Variants in FLG observed in about 807,000 individuals in gnomAD.
FLG encodes the protein filaggrin, also known as epidermal filaggrin.
A neutral mutation model predicts 3.8 loss-of-function variants in FLG; 6 were observed. The observed-to-expected ratio is 1.60, with a 90% CI of 0.87 to 3.15. The LOEUF (loss-of-function observed/expected upper bound fraction) is 3.15. Ranked by LOEUF, FLG falls within the 30% of genes most tolerant of loss-of-function variation. The pLI, the probability that FLG is intolerant of heterozygous loss-of-function variation, is 0.00. For synonymous variants in FLG, 2,551 were observed against 1,931.6 expected (o/e 1.32, Z -8.41); for missense variants, 7,595 against 5,050.9 (o/e 1.50, Z -15.27).
rs769135798 is a variant in FLG at position 152,308,075 on chromosome 1, C to G, written c.6811G>C (p.Ala2271Pro). Reference sequence around the variant, plus strand: ...GAGCCATCTCTTGACTGCTCCTGAGCAGATCCATGATGGTTTCTGGACGCA... The same window carrying G: ...GAGCCATCTCTTGACTGCTCCTGAGGAGATCCATGATGGTTTCTGGACGCA... ...GSASRNHHGS[A>P]QEQSRDGSRH... The change falls in exon 3 of 3, where the codon GCT (alanine) becomes CCT (proline). Residue 2271 changes from alanine (A) to proline (P), a missense_variant. Physicochemically the swap from Ala to Pro is conservative, Grantham distance 27 (BLOSUM62 -1). Coordinates refer to ENST00000368799, the MANE Select transcript of FLG (RefSeq NM_002016.2). 60 of 1,613,940 alleles carry G rather than the reference C, an allele frequency of 3.7e-5. No individual in the cohort carries two copies. Among genetic ancestry groups the G allele is most frequent in the Admixed American group, 2.0e-4 (12 of 60,002 alleles).
Position 152,313,108 on chromosome 1 carries a change from G to T in FLG, c.1778C>A (p.Ser593Tyr). The stretch of plus-strand genomic sequence containing the variant: ...TGAGTGTCTAGAGCTGTCAGCCTGA[G>T]AGGAAGCTTCATGATGACGTGACCC... ...HSGSRHHEAS[S>Y]QADSSRHSQV... Residue 593 changes from serine to tyrosine, a missense_variant, in exon 3 of 3, where the codon TCT becomes TAT. Transcript: ENST00000368799. The T allele has an allele frequency of 6.2e-7, 1 of 1,613,906 alleles. No homozygotes were observed. The highest frequency in any genetic ancestry group is 2.2e-5 in the East Asian group (1 of 44,838).
chr1:152,317,865 C>T (rs1334152615), intron 1 of FLG, among the ~76,000 whole-genome samples: 1 of 151,918 alleles, frequency 6.6e-6, no homozygotes, highest in Non-Finnish European at 1.5e-5. Flanking sequence ...TGTCGCACAC[C>T]CGTTATCCTC....
chr1:152,306,282 A>G lies in FLG; in HGVS notation c.8604T>C (p.Ser2868=). ...GTCCCTGGACTGCCTGTGAGTGTCTAGAGATGTCGGCATGAGTGGAAGCTT... is the reference window on the plus strand; with the variant it reads ...GTCCCTGGACTGCCTGTGAGTGTCTGGAGATGTCGGCATGAGTGGAAGCTT... The part of the protein sequence containing the change: ...HHEASTHADI[S]RHSQAVQGQS... The change falls in exon 3 of 3, where the codon TCT becomes TCC. Residue 2868 remains serine, a synonymous_variant. Transcript: ENST00000368799. 1 of 1,604,866 alleles carries G rather than the reference A, an allele frequency of 6.2e-7. No homozygotes were observed. Among genetic ancestry groups the G allele is most frequent in the Non-Finnish European group, 8.5e-7 (1 of 1,180,042 alleles).
Position 152,322,056 on chromosome 1 carries a change from T to C in FLG, c.-22+3133A>G, listed in dbSNP as rs529412706. Among the ~76,000 whole-genome samples the C allele has an allele frequency of 2.6e-5, 4 of 151,292 alleles. No individual in the cohort carries two copies. The South Asian group carries it at 8.3e-4, about 31-fold the overall frequency. ...GGGGAAAATTATATGAACCTCTCAA[T>C]AGATGAAAAATTGATAAAATCCAAT... On this transcript the variant is annotated intron_variant, in intron 1 of 2. Transcript: ENST00000368799.
rs763289326 is a variant in FLG at position 152,309,804 on chromosome 1, G to T, written c.5082C>A (p.Asp1694Glu). ...AATCTTGTCTGCGCCCAGTGCCTGA[G>T]TCTGTGGAGCTGTCTGCTGACTGCT... ...RHQQSADSST[D>E]SGTGRRQDSS... The change falls in exon 3 of 3, where the codon GAC (aspartate) becomes GAA (glutamate). Residue 1694 changes from aspartate to glutamate, a missense_variant. By Grantham distance (45) the Asp-to-Glu change is conservative. Transcript: ENST00000368799. 3.1e-6 allele frequency: 5 copies of T among 1,614,044 alleles called. No individual in the cohort carries two copies. Among genetic ancestry groups the T allele is most frequent in the Non-Finnish European group, 4.2e-6 (5 of 1,180,012 alleles).
At position 152,308,669 on chromosome 1, in the gene FLG, T is replaced by A. The variant is rs573866396; in HGVS notation, c.6217A>T (p.Lys2073Ter). 1 of 1,613,922 alleles carries A rather than the reference T, an allele frequency of 6.2e-7. No individual in the cohort carries two copies. The highest frequency in any genetic ancestry group is 8.5e-7 in the Non-Finnish European group (1 of 1,179,960). ...GKAGPHQQSH[K>*]ESARGQSGES... ...CCTGACTGGCCACGTGCGGACTCTT[T>A]GTGGCTCTGCTGATGGGGCCCAGCT... is the stretch of plus-strand genomic sequence containing the variant. Residue 2073 changes from lysine to a stop codon, truncating the protein, a stop_gained, in exon 3 of 3, where the codon AAA (lysine) becomes TAA (stop). Coordinates refer to ENST00000368799, the MANE Select transcript of FLG (RefSeq NM_002016.2). LOFTEE classifies it low-confidence loss of function (END_TRUNC).
In FLG at chr1:152,312,417, C is replaced by T. The variant is rs754751221; in HGVS notation, c.2469G>A (p.Glu823=). The T allele has an allele frequency of 1.2e-6, 2 of 1,613,332 alleles. No individual in the cohort carries two copies. The highest frequency in any genetic ancestry group is 2.2e-5 in the South Asian group (2 of 90,946). ...STGVRQGSHH[E]QARDNSRHSA... ...AGTGCCTGGAGTTGTCTCGTGCCTGCTCATGGTGGGATCCTTGTCTTACTC... is the reference window on the plus strand; with the variant it reads ...AGTGCCTGGAGTTGTCTCGTGCCTGTTCATGGTGGGATCCTTGTCTTACTC... Residue 823 remains glutamate (E), a synonymous_variant, in exon 3 of 3, where the codon GAG becomes GAA. Coordinates refer to ENST00000368799, the MANE Select transcript of FLG (RefSeq NM_002016.2).
At position 152,309,762 on chromosome 1, in the gene FLG, G is replaced by C. The variant is rs151199504; in HGVS notation, c.5124C>G (p.Asp1708Glu). ...TACCACTGGACCCTCGGTTTCCACT[G>C]TCTCCGACTACAGATGAATCTTGTC... Reference protein sequence around the residue: ...GRRQDSSVVGDSGNRGSSGSQ... With the variant: ...GRRQDSSVVGESGNRGSSGSQ... Residue 1708 changes from aspartate to glutamate, a missense_variant, in exon 3 of 3, where the codon GAC becomes GAG. By Grantham distance (45) the Asp-to-Glu change is conservative (BLOSUM62 2). Coordinates refer to ENST00000368799, the MANE Select transcript of FLG (RefSeq NM_002016.2). 22 of 1,613,632 alleles carry C rather than the reference G, an allele frequency of 1.4e-5. No individual in the cohort carries two copies. Among genetic ancestry groups the C allele is most frequent in the Admixed American group, 3.3e-5 (2 of 59,962 alleles).
chr1:152,313,520 C>A lies in FLG; in HGVS notation c.1366G>T (p.Gly456Cys). Residue 456 changes from glycine to cysteine, a missense_variant, in exon 3 of 3, where the codon GGC becomes TGC. Physicochemically the swap from Gly to Cys is radical, Grantham distance 159. Transcript: ENST00000368799. ...RQQSHQESTRGRSGERSGRSG... is the reference protein window; with the variant it reads ...RQQSHQESTRCRSGERSGRSG... ...CGTCCAGACCGTTCCCCTGACCGGC[C>A]ACGTGTGGACTCTTGGTGGCTCTGC... 6.2e-7 allele frequency: 1 copy of A among 1,613,960 alleles called. No individual in the cohort carries two copies. Among genetic ancestry groups the A allele is most frequent in the Non-Finnish European group, 8.5e-7 (1 of 1,180,022 alleles).
In FLG at chr1:152,304,536, G is replaced by A. The variant is rs751349850; in HGVS notation, c.10350C>T (p.Tyr3450=). The A allele has an allele frequency of 7.5e-5, 121 of 1,611,708 alleles. 2 individuals carry two copies. The highest frequency in any genetic ancestry group is 1.6e-4 in the Middle Eastern group (1 of 6,074). Residue 3450 remains tyrosine (Y), a synonymous_variant, in exon 3 of 3, where the codon TAC becomes TAT. Coordinates refer to ENST00000368799, the MANE Select transcript of FLG (RefSeq NM_002016.2). The stretch of plus-strand genomic sequence containing the variant: ...GTCCAGACCTATCTACCGATTGCTC[G>A]TAGTGGGATCCCTGCCTTCCTCTTC... ...SSRRGRQGSH[Y]EQSVDRSGHS...
rs921430610 is a variant in FLG, at chr1:152,303,059, C to T, written c.11827G>A (p.Gly3943Arg). ...SLSQDSAYHS[G>R]IQSRGSPHSS... ...TGAGGACTGCCACGTGACTGTATTC[C>T]TGAGTGATACGCAGAATCTTGTGAA... Residue 3943 changes from glycine to arginine, a missense_variant, in exon 3 of 3, where the codon GGA becomes AGA. By Grantham distance (125) the Gly-to-Arg change is moderately radical. Coordinates refer to ENST00000368799, the MANE Select transcript of FLG (RefSeq NM_002016.2). The T allele has an allele frequency of 2.5e-6, 4 of 1,614,144 alleles. No individual in the cohort carries two copies. The Admixed American group carries it at 6.7e-5, about 27-fold the overall frequency.
In FLG at chr1:152,313,571, C is replaced by T. The variant is rs770079841; in HGVS notation, c.1315G>A (p.Gly439Ser). The change falls in exon 3 of 3, where the codon GGC becomes AGC. Residue 439 changes from glycine (G) to serine (S), a missense_variant. Transcript: ENST00000368799. ...SENSDTQSVS[G>S]HGKAGLRQQS... ...TGTCTCAGCCCAGCCTTTCCGTGGCCTGACACTGATTGTGTGTCTGAGTTT... is the reference window on the plus strand; with the variant it reads ...TGTCTCAGCCCAGCCTTTCCGTGGCTTGACACTGATTGTGTGTCTGAGTTT... The T allele has an allele frequency of 1.3e-5, 21 of 1,613,956 alleles. No individual in the cohort carries two copies. The highest frequency in any genetic ancestry group is 1.7e-5 in the Non-Finnish European group (20 of 1,180,028).
chr1:152,313,856 C>A lies in FLG; in HGVS notation c.1030G>T (p.Ala344Ser). Residue 344 changes from alanine to serine, a missense_variant, in exon 3 of 3, where the codon GCC becomes TCC. Ala to Ser is a moderately conservative substitution (Grantham distance 99). Transcript: ENST00000368799. ...RHPRSHDEDR[A>S]SHGHSADSSR... is the part of the protein sequence containing the mutation. ...CTGTCTGCAGAGTGCCCATGACTGG[C>A]TCTGTCTTCATCATGGGACCTGGGG... 2 of 1,614,008 alleles carry A rather than the reference C, an allele frequency of 1.2e-6. No homozygotes were observed. The highest frequency in any genetic ancestry group is 1.7e-6 in the Non-Finnish European group (2 of 1,179,952).
intron 1 of FLG, among the ~76,000 whole-genome samples, chr1:152,316,663 T>C (rs1446664324): frequency 6.6e-6 from 1 of 152,180 alleles, no homozygotes; most frequent in African/African-American, 2.4e-5. Flanking sequence ...TATGATGATA[T>C]TGTATTCTCT....
chr1:152,304,858 C>G lies in FLG; in HGVS notation c.10028G>C (p.Ser3343Thr). Residue 3343 changes from serine (S) to threonine (T), a missense_variant, in exon 3 of 3, where the codon AGT becomes ACT. By Grantham distance (58) the Ser-to-Thr change is moderately conservative. Coordinates refer to ENST00000368799, the MANE Select transcript of FLG (RefSeq NM_002016.2). ...GTCTGACTCTTCTGAATGTCCCTCA[C>G]TATCACTGGCCTGACTACCACTGGA... Reference protein sequence around the residue: ...WGSSGSQASDSEGHSEESDTQ... With the variant: ...WGSSGSQASDTEGHSEESDTQ... 6.8e-6 allele frequency: 11 copies of G among 1,613,858 alleles called. No individual in the cohort carries two copies. Among genetic ancestry groups the G allele is most frequent in the Non-Finnish European group, 8.5e-6 (10 of 1,179,958 alleles).
rs753658951 is a variant in FLG, at chr1:152,313,558, G to C, written c.1328C>G (p.Ala443Gly). The change falls in exon 3 of 3, where the codon GCT becomes GGT. Residue 443 changes from alanine (A) to glycine (G), a missense_variant. By Grantham distance (60) the Ala-to-Gly change is moderately conservative (BLOSUM62 0). Coordinates refer to ENST00000368799, the MANE Select transcript of FLG (RefSeq NM_002016.2). ...DTQSVSGHGK[A>G]GLRQQSHQES... The stretch of plus-strand genomic sequence containing the variant: ...TTGGTGGCTCTGCTGTCTCAGCCCA[G>C]CCTTTCCGTGGCCTGACACTGATTG... 1.9e-6 allele frequency: 3 copies of C among 1,613,864 alleles called. No individual in the cohort carries two copies. The highest frequency in any genetic ancestry group is 1.1e-5 in the South Asian group (1 of 91,066).
rs1363199838 is a variant in FLG at position 152,312,395 on chromosome 1, G to A, written c.2491C>T (p.His831Tyr). 2 of 1,613,390 alleles carry A rather than the reference G, an allele frequency of 1.2e-6. No individual in the cohort carries two copies. The highest frequency in any genetic ancestry group is 1.1e-5 in the South Asian group (1 of 91,020). Residue 831 changes from histidine to tyrosine, a missense_variant, in exon 3 of 3, where the codon CAC becomes TAC. Transcript: ENST00000368799. ...HHEQARDNSR[H>Y]SASQDGQDTI... ...TCCTGACCATCTTGGGATGCTGAGTGCCTGGAGTTGTCTCGTGCCTGCTCA... is the reference window on the plus strand; with the variant it reads ...TCCTGACCATCTTGGGATGCTGAGTACCTGGAGTTGTCTCGTGCCTGCTCA...
rs1652686086 is a variant in FLG, at chr1:152,314,325, CTTGT to C, written c.557_560del (p.Asn186ArgfsTer7). On this transcript the variant is annotated frameshift_variant, in exon 3 of 3. Coordinates refer to ENST00000368799, the MANE Select transcript of FLG (RefSeq NM_002016.2). LOFTEE classifies it low-confidence loss of function (END_TRUNC). ...TGTCTCCTAATCTAGTATTTTCAGT[CTTGT>C]TTTTCTCTTTTTTACTTGAGTTATG... The C allele has an allele frequency of 6.2e-7, 1 of 1,613,010 alleles. No individual in the cohort carries two copies.
Position 152,312,296 on chromosome 1 carries a change from A to G in FLG, c.2590T>C (p.Ser864Pro), listed in dbSNP as rs759040582. The G allele has an allele frequency of 6.2e-7, 1 of 1,612,716 alleles. No individual in the cohort carries two copies. Among genetic ancestry groups the G allele is most frequent in the South Asian group, 1.1e-5 (1 of 91,006 alleles). ...GSHHEQSVDRSGHSGSHHSHT... is the reference protein window; with the variant it reads ...GSHHEQSVDRPGHSGSHHSHT... ...CTGTGATGGGACCCTGAGTGTCCAG[A>G]CCTATCTACCGATTGCTCGTGGTGG... Residue 864 changes from serine (S) to proline (P), a missense_variant, in exon 3 of 3, where the codon TCT (serine) becomes CCT (proline). Transcript: ENST00000368799.
Sources: allele counts gnomAD v4.1 joint callset (sites outside exome capture counted in the v4.1 genomes callset), GRCh38; gene constraint gnomAD v4.1.1; transcripts MANE v1.5; gene names NCBI Gene and HGNC (gene_info 2026-07-23, HGNC 2026-07-21).